IGF2BP2: variants seen among roughly 807,000 people sequenced by gnomAD.
IGF2BP2 encodes the protein insulin-like growth factor 2 mRNA-binding protein 2.
A neutral mutation model predicts 75.8 loss-of-function variants in IGF2BP2; 17 were observed. The ratio of observed to expected loss-of-function variants is 0.22; its 90% CI spans 0.15 to 0.34. IGF2BP2 has a LOEUF of 0.34. IGF2BP2 is among the 10% of genes least tolerant of loss of function. The pLI is 1.00. For missense variants in IGF2BP2, 516 were observed against 772.4 expected, an observed-to-expected ratio of 0.67 and a Z score of 3.93; for synonymous variants, 288 against 295.6, an observed-to-expected ratio of 0.97 and a Z score of 0.26.
At position 185,647,076 on chromosome 3, in the gene IGF2BP2, A is replaced by G; in HGVS notation, c.1656T>C (p.Asp552=). Residue 552 remains aspartate (D), a synonymous_variant, in exon 15 of 16, where the codon GAT becomes GAC. Transcript: ENST00000382199. The surrounding 1 kb of genome is among the most constrained non-coding windows in gnomAD (Gnocchi z 4.9). The part of the protein sequence containing the change: ...EVIVPRDQTP[D]ENEEVIVRII... ...TTCTGACGATCACTTCCTCATTTTC[A>G]TCTGGCGTTTGGTCACGAGGCACGA... 6.2e-7 allele frequency: 1 copy of G among 1,614,152 alleles called. No individual in the cohort carries two copies.
At chr3:185,821,113 G>A (rs1741323516) in intron 2 of IGF2BP2, 1 of 1,522,982 alleles carries the variant, frequency 6.6e-7, no homozygotes. Context: ...CCGGTCATTA[G>A]CTATCTCTCC....
At position 185,658,365 on chromosome 3, in the gene IGF2BP2, A is replaced by C. The variant is rs772922686; in HGVS notation, c.1245T>G (p.Phe415Leu). The change falls in exon 11 of 16, where the codon TTT becomes TTG. Residue 415 changes from phenylalanine (F) to leucine (L), a missense_variant. Physicochemically the swap from Phe to Leu is conservative, Grantham distance 22 (BLOSUM62 0). Around this residue, in one of 3 missense-constraint regions of IGF2BP2, gnomAD observed 75 missense variants for 67.4 expected, o/e 1.11. Coordinates refer to ENST00000382199, the MANE Select transcript of IGF2BP2 (RefSeq NM_006548.6). ...CAGAGTGATGATGCGGGAACGGGCC[A>C]AACTGGTGATGGGGGTACAGGCTGG... ...YFSSLYPHHQ[F>L]GPFPHHHSYP... 38 of 1,613,854 alleles carry C rather than the reference A, an allele frequency of 2.4e-5. No individual in the cohort carries two copies. The highest frequency in any genetic ancestry group is 2.7e-5 in the African/African-American group (2 of 74,918).
intron 2 of IGF2BP2, among the ~76,000 whole-genome samples, chr3:185,737,627 C>T (rs1729027746): frequency 6.6e-6 from 1 of 152,194 alleles, no homozygotes; most frequent in South Asian, 2.1e-4. Context: ...GTGGCATTCG[C>T]AGTAACAGTT....
intron 2 of IGF2BP2, among the ~76,000 whole-genome samples, chr3:185,796,489 C>T (rs372363057): frequency 1.3e-5 from 2 of 148,674 alleles, no homozygotes; most frequent in South Asian, 2.1e-4. Context: ...CTTGAACTCC[C>T]GAGAGGCAGA....
intron 12 of IGF2BP2, among the ~76,000 whole-genome samples, chr3:185,655,515 A>G (rs745756152): frequency 2.0e-5 from 3 of 152,228 alleles, no homozygotes; most frequent in Non-Finnish European, 4.4e-5. Context: ...GGGCTGGGGA[A>G]GTAGAAGGTT....
rs191713515 is a variant in IGF2BP2, at chr3:185,765,423, C to T, written c.239+57730G>A. On this transcript the variant is annotated intron_variant, in intron 2 of 15. Transcript: ENST00000382199. ...CCTGTCTCACACCAAGTAGCAGGTG[C>T]GCCTAGAAAGGCAAACACACCACCT... is the stretch of plus-strand genomic sequence containing the variant. Among the ~76,000 whole-genome samples the T allele has an allele frequency of 6.8e-4, 103 of 152,266 alleles. 1 individual carries two copies. Among genetic ancestry groups the T allele is most frequent in the Admixed American group, 1.3e-3 (20 of 15,294 alleles).
chr3:185,738,046 C>T (rs1729075829), intron 2 of IGF2BP2, among the ~76,000 whole-genome samples: 1 of 152,216 alleles, frequency 6.6e-6, no homozygotes, highest in Non-Finnish European at 1.5e-5. Context: ...ATTACCAGGC[C>T]ATTGCCAACA....
intron 2 of IGF2BP2, among the ~76,000 whole-genome samples, chr3:185,718,518 T>C (rs1418848061): frequency 6.6e-6 from 1 of 151,782 alleles, no homozygotes; most frequent in Non-Finnish European, 1.5e-5. Flanking sequence ...AAATCCTCTC[T>C]ACTAAAAATA....
rs184173278 is a variant in IGF2BP2, at chr3:185,646,868, G to A, written c.1707+157C>T. 301 of 631,372 alleles carry A rather than the reference G, an allele frequency of 4.8e-4. No individual in the cohort carries two copies. The African/African-American group carries it at 4.9e-3, about 10-fold the overall frequency. 39.1% of individuals were successfully genotyped at this position (631,372 alleles called of 1,614,324 possible). A position where few individuals can be genotyped will look rare whatever the true frequency, so the allele number is the denominator to read the frequency against. ...AGTGTGAAACAATGTCCCCTGCCCC[G>A]GGGGCCATCCCTAAAGAGCCAGGAA... On this transcript the variant is annotated intron_variant, in intron 15 of 15. Transcript: ENST00000382199.
At chr3:185,769,519 C>G (rs1185122912) in intron 2 of IGF2BP2, among the ~76,000 whole-genome samples, 4 of 152,044 alleles carry the variant, frequency 2.6e-5, no homozygotes, top group Admixed American at 2.0e-4. Context: ...GTGCATTTTA[C>G]AGACAGAGAA....
intron 2 of IGF2BP2, among the ~76,000 whole-genome samples, chr3:185,737,004 C>T (rs1728941042): frequency 6.6e-6 from 1 of 152,162 alleles, no homozygotes. Flanking sequence ...TCTTGGGACT[C>T]TAATTTACAA....
At chr3:185,656,438 A>T (rs948343841) in intron 12 of IGF2BP2, among the ~76,000 whole-genome samples, 1 of 152,230 alleles carries the variant, frequency 6.6e-6, no homozygotes, top group East Asian at 1.9e-4. Flanking sequence ...CCTCTAGCAC[A>T]CTTGCTGTGG....
At chr3:185,749,341 TGAG>T (rs1353864178) in intron 2 of IGF2BP2, among the ~76,000 whole-genome samples, 1 of 152,180 alleles carries the variant, frequency 6.6e-6, no homozygotes, top group African/African-American at 2.4e-5. Flanking sequence ...AGAAAAAAAC[TGAG>T]AAGTTGGGGT....
intron 7 of IGF2BP2, among the ~76,000 whole-genome samples, chr3:185,686,405 G>C (rs114928792): frequency 0.026 from 4,003 of 151,936 alleles, 170 homozygotes; most frequent in South Asian, 0.2. Context: ...AAAGGAGAGG[G>C]GGGTAGTGAG....
At chr3:185,774,391 A>C (rs1441356861) in intron 2 of IGF2BP2, among the ~76,000 whole-genome samples, 2 of 151,200 alleles carry the variant, frequency 1.3e-5, no homozygotes, top group Non-Finnish European at 2.9e-5. Context: ...GTCAGGAGAT[A>C]GAGACCATCT....
chr3:185,691,940 T>C (rs1050422654), intron 5 of IGF2BP2, among the ~76,000 whole-genome samples: 1 of 152,108 alleles, frequency 6.6e-6, no homozygotes, highest in African/African-American at 2.4e-5. Flanking sequence ...GGTCTCCCTA[T>C]GTTGTCCAGG....
At chr3:185,716,397 C>G (rs1425483732) in intron 2 of IGF2BP2, 3 of 475,520 alleles carry the variant, frequency 6.3e-6, no homozygotes, top group Non-Finnish European at 8.3e-6. Flanking sequence ...TGTGTTAAAA[C>G]AGAATATCCC....
intron 2 of IGF2BP2, among the ~76,000 whole-genome samples, chr3:185,700,301 T>C (rs1000183050): frequency 2.6e-5 from 4 of 152,188 alleles, no homozygotes; most frequent in Non-Finnish European, 4.4e-5. Context: ...TTTTATGAAA[T>C]GTCACAGGGG....
At chr3:185,775,647 T>A (rs1326693809) in intron 2 of IGF2BP2, among the ~76,000 whole-genome samples, 1 of 152,126 alleles carries the variant, frequency 6.6e-6, no homozygotes, top group Non-Finnish European at 1.5e-5. Context: ...ATAAGACTAA[T>A]AAGCTTAGCA....
Sources: gnomAD v4.1 joint callset for allele counts (sites outside exome capture counted in the v4.1 genomes callset) on GRCh38, gnomAD v4.1.1 for gene constraint, gnomAD v4.1.1 regional missense constraint, Gnocchi (gnomAD v3.1) non-coding constraint, MANE v1.5 for transcripts, NCBI Gene and HGNC (gene_info 2026-07-23, HGNC 2026-07-21) for gene names.